Variants in UMODL1 observed in about 807,000 individuals in gnomAD.
UMODL1 encodes uromodulin-like 1.
Under a neutral mutation model 136.3 loss-of-function variants are expected in UMODL1, and 128 were observed. The observed-to-expected ratio is 0.94, with a 90% CI of 0.81 to 1.09. The LOEUF is 1.09. UMODL1 is among the 50% of genes least tolerant of loss of function. The pLI, the probability that UMODL1 is intolerant of heterozygous loss-of-function variation, is 0.00. For missense variants in UMODL1, 1,766 were observed against 1,725.6 expected, an observed-to-expected ratio of 1.02 and a Z score of -0.41; for synonymous variants, 721 against 720.0, an observed-to-expected ratio of 1.00 and a Z score of -0.02.
chr21:42,128,524 G>C (rs943944234), intron 20 of UMODL1, among the ~76,000 whole-genome samples: 2 of 146,588 alleles, frequency 1.4e-5, no homozygotes, highest in Non-Finnish European at 1.5e-5. Context: ...GGGTGACCAA[G>C]CTCTGAGCGT....
rs78704996 is a variant in UMODL1, at chr21:42,082,250, C to T, written c.320-1834C>T. Among the ~76,000 whole-genome samples the T allele has an allele frequency of 1.8e-4, 28 of 152,316 alleles. No homozygotes were observed. The East Asian group carries it at 4.4e-3, about 24-fold the overall frequency. ...AAGCCAGGGCCGCCACCTCTTTCTTCGTTGCAGAGTGCTCTGCAGAGAACT... is the reference window on the plus strand; with the variant it reads ...AAGCCAGGGCCGCCACCTCTTTCTTTGTTGCAGAGTGCTCTGCAGAGAACT... On this transcript the variant is annotated intron_variant, in intron 2 of 22. Transcript: ENST00000408910.
At chr21:42,137,323 G>A (rs865837095) in intron 21 of UMODL1, 116 bp from the exon 22 acceptor site, 1 of 1,294,796 alleles carries the variant, frequency 7.7e-7, no homozygotes, top group African/African-American at 1.4e-5. Flanking sequence ...TGCACACGTG[G>A]GCCTTGCATT....
intron 21 of UMODL1, among the ~76,000 whole-genome samples, chr21:42,134,575 G>A (rs545732939): frequency 2.4e-4 from 36 of 152,180 alleles, no homozygotes; most frequent in Middle Eastern, 3.4e-3. Context: ...TCCTCTGAAC[G>A]CGGGTTCTTT....
Position 42,142,721 on chromosome 21 carries a change from A to G in UMODL1, c.*647A>G, listed in dbSNP as rs565843488. 8 of 152,248 alleles carry G rather than the reference A, an allele frequency of 5.3e-5. No homozygotes were observed. Among genetic ancestry groups the G allele is most frequent in the Non-Finnish European group, 1.0e-4 (7 of 68,038 alleles). 9.4% of individuals were successfully genotyped at this position (152,248 alleles called of 1,614,324 possible). The stretch of plus-strand genomic sequence containing the variant: ...GTGACAACCTTTTCAATAAGCAGAA[A>G]TAACGTAGGTACACATCACTCTTTA... On this transcript the variant is annotated 3_prime_UTR_variant, in exon 23 of 23. Transcript: ENST00000408910.
At chr21:42,103,503 G>A in intron 8 of UMODL1, 1 of 378,818 alleles carries the variant, frequency 2.6e-6, no homozygotes, top group South Asian at 2.0e-5. Context: ...GTTCCTTGGT[G>A]GGGCCTCTCC....
At chr21:42,088,570 T>C (rs1378666179) in intron 5 of UMODL1, 90 bp downstream of exon 5, 7 of 1,321,414 alleles carry the variant, frequency 5.3e-6, no homozygotes, top group Middle Eastern at 3.8e-4. Context: ...GCCAGACCAG[T>C]CCTTTGTCTT....
chr21:42,087,956 TA>T (rs1356066991), intron 4 of UMODL1, among the ~76,000 whole-genome samples: 2 of 152,228 alleles, frequency 1.3e-5, no homozygotes, highest in East Asian at 3.8e-4. Flanking sequence ...GCACCAGCCA[TA>T]TTGGATTAGA....
intron 18 of UMODL1, 37 bp from the exon 19 acceptor site, chr21:42,126,969 C>T (rs2067064429): frequency 6.4e-7 from 1 of 1,567,596 alleles, no homozygotes; most frequent in South Asian, 1.1e-5. Flanking sequence ...AATGCGCCTC[C>T]TGAAACATGC....
At chr21:42,104,535 C>T (rs1041759520) in intron 9 of UMODL1, among the ~76,000 whole-genome samples, 3 of 151,948 alleles carry the variant, frequency 2.0e-5, no homozygotes, top group African/African-American at 4.8e-5. Context: ...CTGCAACCTC[C>T]GCCTCCTAGG....
chr21:42,137,386 C>T lies in UMODL1; in HGVS notation c.3776-53C>T, dbSNP rs576489334. 4.2e-4 allele frequency: 674 copies of T among 1,598,958 alleles called. 1 individual carries two copies. The highest frequency in any genetic ancestry group is 5.4e-4 in the Non-Finnish European group (629 of 1,169,290). On this transcript the variant is annotated intron_variant, in intron 21 of 22. Coordinates refer to ENST00000408910, the MANE Select transcript of UMODL1 (RefSeq NM_001004416.3). ...GATCCGGGTGGAGGGCTTGCTCTAT[C>T]GCATTCCTCCCGTTTGTGCAGATCT...
chr21:42,070,010 T>C (rs2066215963), upstream of UMODL1, among the ~76,000 whole-genome samples: 1 of 152,248 alleles, frequency 6.6e-6, no homozygotes, highest in Non-Finnish European at 1.5e-5. Context: ...GCCCCTTTGC[T>C]GTGAGATCAT....
intron 2 of UMODL1, among the ~76,000 whole-genome samples, chr21:42,076,746 A>G (rs931312182): frequency 1.3e-5 from 2 of 152,200 alleles, no homozygotes; most frequent in Non-Finnish European, 2.9e-5. Flanking sequence ...ATGCTTTCGT[A>G]GCCAAAATCC....
At chr21:42,124,394 G>T (rs1003939498) in intron 17 of UMODL1, among the ~76,000 whole-genome samples, 1 of 152,216 alleles carries the variant, frequency 6.6e-6, no homozygotes, top group South Asian at 2.1e-4. Context: ...CTGGGAAGGG[G>T]CTCGACCTAG....
chr21:42,102,467 G>T, intron 8 of UMODL1, 189 bp downstream of exon 8: 1 of 486,988 alleles, frequency 2.1e-6, no homozygotes, highest in Non-Finnish European at 3.7e-6. Context: ...GCTTTTATGG[G>T]GTACTTAATC....
Position 42,127,699 on chromosome 21 carries a change from C to T in UMODL1, c.3558C>T (p.Asn1186=), listed in dbSNP as rs561328646. Residue 1186 remains asparagine (N), a synonymous_variant, in exon 20 of 23, where the codon AAC becomes AAT. Transcript: ENST00000408910. ...NSCPVPNTYT[N]VIENGNSNKA... ...GCCCTGTGCCCAACACATACACCAA[C>T]GTGATTGAGAACGGCAACTCCAATA... is the stretch of plus-strand genomic sequence containing the variant. 9 of 1,614,082 alleles carry T rather than the reference C, an allele frequency of 5.6e-6. No individual in the cohort carries two copies. The highest frequency in any genetic ancestry group is 1.7e-5 in the Admixed American group (1 of 60,000).
chr21:42,118,704 C>T (rs1601251893), intron 14 of UMODL1, among the ~76,000 whole-genome samples: 1 of 152,004 alleles, frequency 6.6e-6, no homozygotes, highest in Admixed American at 6.6e-5. Context: ...GAAGTGGTCT[C>T]CCTCCCCACG....
At chr21:42,088,713 C>T (rs2066456679) in intron 5 of UMODL1, among the ~76,000 whole-genome samples, 1 of 150,522 alleles carries the variant, frequency 6.6e-6, no homozygotes, top group South Asian at 2.1e-4. Flanking sequence ...ACTTATTTTG[C>T]CCCCCATTTC....
rs200123208 is a variant in UMODL1 at position 42,109,687 on chromosome 21, C to G, written c.1645C>G (p.Arg549Gly). The G allele has an allele frequency of 8.7e-6, 14 of 1,603,636 alleles. No homozygotes were observed. The highest frequency in any genetic ancestry group is 1.1e-5 in the Non-Finnish European group (13 of 1,179,942). ...GGACGCCACCCCCTCCCGCGCAGGC[C>G]GGGCCTGTGAGGGTACGTGTCGACC... ...TRDATPSRAGRACEGDLVSPM... is the reference protein window; with the variant it reads ...TRDATPSRAGGACEGDLVSPM... Residue 549 changes from arginine (R) to glycine (G), a missense_variant, in exon 10 of 23, where the codon CGG (arginine) becomes GGG (glycine). By Grantham distance (125) the Arg-to-Gly change is moderately radical. Coordinates refer to ENST00000408910, the MANE Select transcript of UMODL1 (RefSeq NM_001004416.3).
Position 42,137,452 on chromosome 21 carries a change from T to A in UMODL1, c.3789T>A (p.His1263Gln). ...CTCCTCCCCGAGGTGAGCCTCCTCATGCAGAAGCAGGCCTGGGTGCCGGTT... is the reference window on the plus strand; with the variant it reads ...CTCCTCCCCGAGGTGAGCCTCCTCAAGCAGAAGCAGGCCTGGGTGCCGGTT... ...PLIRSEGEPP[H>Q]AEAGLGAGYV... The change falls in exon 22 of 23, where the codon CAT becomes CAA. Residue 1263 changes from histidine to glutamine, a missense_variant. Transcript: ENST00000408910. The A allele has an allele frequency of 6.2e-7, 1 of 1,614,226 alleles. No homozygotes were observed. Among genetic ancestry groups the A allele is most frequent in the Non-Finnish European group, 8.5e-7 (1 of 1,180,030 alleles).
Sources: allele counts gnomAD v4.1 joint callset (sites outside exome capture counted in the v4.1 genomes callset), GRCh38; gene constraint gnomAD v4.1.1; transcripts MANE v1.5; gene names NCBI Gene and HGNC (gene_info 2026-07-23, HGNC 2026-07-21).